Variants in BMPR1B observed in about 807,000 individuals in gnomAD.
BMPR1B encodes the protein bone morphogenetic protein receptor type-1B.
BMPR1B carries 12 observed loss-of-function variants against 59.1 expected under a neutral mutation model. The observed-to-expected ratio is 0.20, with a 90% CI of 0.13 to 0.33. BMPR1B has a LOEUF of 0.33. BMPR1B is among the 10% of genes least tolerant of loss of function. The pLI is 1.00. For missense variants in BMPR1B, 550 were observed against 610.9 expected (o/e 0.90, Z 1.05); for synonymous variants, 237 against 207.3 (o/e 1.14, Z -1.23).
At chr4:94,900,330 G>A (rs1727761858) in intron 2 of BMPR1B, among the ~76,000 whole-genome samples, 1 of 130,128 alleles carries the variant, frequency 7.7e-6, no homozygotes, top group African/African-American at 3.1e-5. Flanking sequence ...AGAGGATAAA[G>A]TGGCCAGCAA....
In BMPR1B at chr4:95,113,924, G is replaced by A. The variant is rs546923381; in HGVS notation, c.144-796G>A. ...CTTATTGTTGAGAGGATTAAATGAT[G>A]TAGAATAAGTGAAAGTTATTTTTAA... On this transcript the variant is annotated intron_variant, in intron 4 of 12. Coordinates refer to ENST00000515059, the MANE Select transcript of BMPR1B (RefSeq NM_001203.3). Among the ~76,000 whole-genome samples, 6 of 152,206 alleles carry A rather than the reference G, an allele frequency of 3.9e-5. No individual in the cohort carries two copies. The South Asian group carries it at 1.2e-3, about 32-fold the overall frequency.
At chr4:94,865,426 T>A (rs1204678615) in intron 1 of BMPR1B, among the ~76,000 whole-genome samples, 2 of 151,966 alleles carry the variant, frequency 1.3e-5, no homozygotes, top group Non-Finnish European at 2.9e-5. Context: ...AGTCTCGCTC[T>A]GTCACCCGGG....
chr4:95,081,147 C>T lies in BMPR1B; in HGVS notation c.-17-23261C>T, dbSNP rs1454158015. ...GCTTGGCACTTCTCCTTGCTGCCAC[C>T]ATGTGAAGAAAGATGTGTTTGCTTC... On this transcript the variant is annotated intron_variant, in intron 3 of 12. Coordinates refer to ENST00000515059, the MANE Select transcript of BMPR1B (RefSeq NM_001203.3). Among the ~76,000 whole-genome samples the T allele has an allele frequency of 3.3e-5, 5 of 152,060 alleles. No individual in the cohort carries two copies. The South Asian group carries it at 1.0e-3, about 32-fold the overall frequency.
intron 3 of BMPR1B, among the ~76,000 whole-genome samples, chr4:95,015,919 T>C (rs1306413236): frequency 6.6e-6 from 1 of 152,136 alleles, no homozygotes; most frequent in African/African-American, 2.4e-5. Flanking sequence ...TCTTGATCTC[T>C]TGACCTTATG....
chr4:94,774,406 A>G (rs568828922), intron 1 of BMPR1B, among the ~76,000 whole-genome samples: 1 of 152,206 alleles, frequency 6.6e-6, no homozygotes, highest in South Asian at 2.1e-4. Flanking sequence ...TAGTGAATGG[A>G]TTAGGGTTCA....
chr4:94,979,022 A>G lies in BMPR1B; in HGVS notation c.-112-17018A>G, dbSNP rs374437791. 2.5e-3 allele frequency among the ~76,000 whole-genome samples: 381 copies of G among 152,208 alleles called. 1 individual carries two copies. The highest frequency in any genetic ancestry group is 8.9e-3 in the African/African-American group (369 of 41,514). On this transcript the variant is annotated intron_variant, in intron 2 of 12. Coordinates refer to ENST00000515059, the MANE Select transcript of BMPR1B (RefSeq NM_001203.3). ...GTTGTCATCATTTTAGCTCATATGCAGTGAATTCCATGACCAATAGATTGT... is the reference window on the plus strand; with the variant it reads ...GTTGTCATCATTTTAGCTCATATGCGGTGAATTCCATGACCAATAGATTGT...
intron 2 of BMPR1B, among the ~76,000 whole-genome samples, chr4:94,942,304 T>C (rs1021993580): frequency 1.3e-5 from 2 of 152,242 alleles, no homozygotes; most frequent in Admixed American, 6.5e-5. Flanking sequence ...TCTTATGCTT[T>C]ACCTCCTTAA....
intron 3 of BMPR1B, among the ~76,000 whole-genome samples, chr4:95,093,354 A>T (rs1413141848): frequency 6.6e-6 from 1 of 152,098 alleles, no homozygotes; most frequent in Non-Finnish European, 1.5e-5. Flanking sequence ...CTATTGTTTT[A>T]AATTTAAAGA....
At chr4:94,911,410 G>C (rs779720191) in intron 2 of BMPR1B, among the ~76,000 whole-genome samples, 2 of 152,040 alleles carry the variant, frequency 1.3e-5, no homozygotes, top group Non-Finnish European at 2.9e-5. Context: ...CAGGAACAGA[G>C]GGGAAGAAAG....
intron 1 of BMPR1B, among the ~76,000 whole-genome samples, chr4:94,798,431 G>A (rs1288695577): frequency 1.3e-5 from 2 of 152,196 alleles, no homozygotes; most frequent in Non-Finnish European, 2.9e-5. Context: ...GCCTGATGTG[G>A]TGCTAATGTA....
intron 2 of BMPR1B, among the ~76,000 whole-genome samples, chr4:94,910,328 T>C (rs894619866): frequency 3.3e-5 from 5 of 152,118 alleles, no homozygotes; most frequent in Non-Finnish European, 5.9e-5. Flanking sequence ...TCCCATGCAA[T>C]ATTTTTTCCT....
chr4:94,992,853 C>T (rs1473682393), intron 2 of BMPR1B, among the ~76,000 whole-genome samples: 3 of 151,832 alleles, frequency 2.0e-5, no homozygotes, highest in African/African-American at 7.3e-5. Context: ...TCCAGAATGC[C>T]ATATAGTTAG....
intron 1 of BMPR1B, among the ~76,000 whole-genome samples, chr4:94,761,413 TTCTG>T (rs1444635277): frequency 2.8e-5 from 3 of 108,198 alleles, no homozygotes; most frequent in Non-Finnish European, 5.7e-5. Flanking sequence ...CGCTGTATAA[TTCTG>T]TGTGTGTGTG....
At position 94,819,472 on chromosome 4, in the gene BMPR1B, T is replaced by C. The variant is rs146925792; in HGVS notation, c.-182-56359T>C. On this transcript the variant is annotated intron_variant, in intron 1 of 12. Coordinates refer to ENST00000515059, the MANE Select transcript of BMPR1B (RefSeq NM_001203.3). ...ATTTTCACAGGAGTTTTGATGGGAGTGTCCAGGAAGGAGCTGTGTGGGAAT... is the reference window on the plus strand; with the variant it reads ...ATTTTCACAGGAGTTTTGATGGGAGCGTCCAGGAAGGAGCTGTGTGGGAAT... Among the ~76,000 whole-genome samples, 16 of 151,416 alleles carry C rather than the reference T, an allele frequency of 1.1e-4. No homozygotes were observed. The East Asian group carries it at 3.1e-3, about 30-fold the overall frequency.
At chr4:94,975,161 G>T (rs944477182) in intron 2 of BMPR1B, among the ~76,000 whole-genome samples, 3 of 152,064 alleles carry the variant, frequency 2.0e-5, no homozygotes, top group Non-Finnish European at 4.4e-5. Flanking sequence ...AGTAGGAGGG[G>T]CATGTGTCCT....
intron 1 of BMPR1B, among the ~76,000 whole-genome samples, chr4:94,783,028 C>G (rs1722640189): frequency 6.6e-6 from 1 of 152,162 alleles, no homozygotes; most frequent in Non-Finnish European, 1.5e-5. Context: ...TATTACCTCT[C>G]TAATGGTGGG....
In BMPR1B at chr4:94,974,723, C is replaced by T. The variant is rs141003767; in HGVS notation, c.-112-21317C>T. On this transcript the variant is annotated intron_variant, in intron 2 of 12. Transcript: ENST00000515059. Reference sequence around the variant, plus strand: ...TGTATTGAAACTTGCTTCAGAGCAGCGTTTATAGTTTGTACCTTTGTATGT... The same window carrying T: ...TGTATTGAAACTTGCTTCAGAGCAGTGTTTATAGTTTGTACCTTTGTATGT... 3.7e-3 allele frequency among the ~76,000 whole-genome samples: 557 copies of T among 152,196 alleles called. 2 individuals carry two copies. Among genetic ancestry groups the T allele is most frequent in the African/African-American group, 0.012 (507 of 41,526 alleles).
At chr4:94,918,540 G>A (rs531301760) in intron 2 of BMPR1B, among the ~76,000 whole-genome samples, 20 of 152,086 alleles carry the variant, frequency 1.3e-4, no homozygotes, top group African/African-American at 3.9e-4. Flanking sequence ...GCCAGGCAGT[G>A]TGGCACACGC....
At position 95,155,980 on chromosome 4, in the gene BMPR1B, T is replaced by C. The variant is rs933078134; in HGVS notation, c.*1307T>C. ...AATCAATATGGTTGGAGCATGTATA[T>C]CTTAGGTGATCATTTCACATCTTAG... On this transcript the variant is annotated 3_prime_UTR_variant, in exon 13 of 13. Coordinates refer to ENST00000515059, the MANE Select transcript of BMPR1B (RefSeq NM_001203.3). 44 of 152,190 alleles carry C rather than the reference T, an allele frequency of 2.9e-4. No individual in the cohort carries two copies. The highest frequency in any genetic ancestry group is 1.0e-3 in the African/African-American group (43 of 41,440). The allele number at this position is 152,190 out of a possible 1,614,324, so 9.4% of individuals were successfully genotyped here.
Sources: gnomAD v4.1 joint callset for allele counts (sites outside exome capture counted in the v4.1 genomes callset) on GRCh38, gnomAD v4.1.1 for gene constraint, MANE v1.5 for transcripts, NCBI Gene and HGNC (gene_info 2026-07-23, HGNC 2026-07-21) for gene names.